The following UBE2E2 variants were observed in gnomAD, a reference collection of about 807,000 sequenced individuals.
UBE2E2 encodes ubiquitin conjugating enzyme E2 E2, also known as ubiquitin-conjugating enzyme E2 E2.
In UBE2E2, 6 loss-of-function variants were observed where a neutral mutation model predicts 24.7. The observed-to-expected ratio is 0.24, with a 90% CI of 0.13 to 0.48. UBE2E2 has a LOEUF of 0.48. Among genes scored for constraint, UBE2E2 ranks in the 20% least tolerant of loss-of-function variants. The pLI is 0.99. For synonymous variants in UBE2E2, 104 were observed against 83.6 expected, an observed-to-expected ratio of 1.24 and a Z score of -1.33; for missense variants, 169 against 245.0, an observed-to-expected ratio of 0.69 and a Z score of 2.07.
chr3:23,504,356 T>C (rs540760177), intron 4 of UBE2E2, among the ~76,000 whole-genome samples: 1 of 152,366 alleles, frequency 6.6e-6, no homozygotes, highest in East Asian at 1.9e-4. Flanking sequence ...ACAATTAGGT[T>C]CTTCTCATTG....
At chr3:23,473,821 T>A (rs1041678859) in intron 3 of UBE2E2, among the ~76,000 whole-genome samples, 2 of 152,140 alleles carry the variant, frequency 1.3e-5, no homozygotes, top group African/African-American at 4.8e-5. Context: ...ACATTTGGGT[T>A]GGTTCCACAT....
At chr3:23,544,786 G>A (rs1695479330) in intron 5 of UBE2E2, among the ~76,000 whole-genome samples, 1 of 152,168 alleles carries the variant, frequency 6.6e-6, no homozygotes, top group African/African-American at 2.4e-5. Context: ...CAGGGAACCA[G>A]CGTTCAGCAT....
At chr3:23,466,918 G>T (rs1002433126) in intron 3 of UBE2E2, among the ~76,000 whole-genome samples, 1 of 152,062 alleles carries the variant, frequency 6.6e-6, no homozygotes, top group Admixed American at 6.6e-5. Context: ...TTCATTATTT[G>T]CCAGCTCCTT....
At chr3:23,556,393 G>C (rs1260862769) in intron 5 of UBE2E2, among the ~76,000 whole-genome samples, 1 of 131,414 alleles carries the variant, frequency 7.6e-6, no homozygotes, top group Non-Finnish European at 1.5e-5. Context: ...CACCCGCCTC[G>C]ACCTCCCAAA....
chr3:23,469,458 T>C (rs1005776992), intron 3 of UBE2E2, among the ~76,000 whole-genome samples: 1 of 152,186 alleles, frequency 6.6e-6, no homozygotes, highest in African/African-American at 2.4e-5. Context: ...TAGTAAAATA[T>C]GTATTATTCA....
At chr3:23,226,557 G>C (rs1304340804) in intron 3 of UBE2E2, among the ~76,000 whole-genome samples, 1 of 152,216 alleles carries the variant, frequency 6.6e-6, no homozygotes, top group African/African-American at 2.4e-5. Context: ...CATCTTTAAG[G>C]AGGGATGTGA....
At chr3:23,565,904 A>C (rs1250442891) in intron 5 of UBE2E2, among the ~76,000 whole-genome samples, 1 of 152,138 alleles carries the variant, frequency 6.6e-6, no homozygotes, top group East Asian at 1.9e-4. Flanking sequence ...TCTTTCTGAG[A>C]TTGGTCTCCC....
At chr3:23,266,931 G>C (rs555965615) in intron 3 of UBE2E2, among the ~76,000 whole-genome samples, 1 of 152,262 alleles carries the variant, frequency 6.6e-6, no homozygotes, top group African/African-American at 2.4e-5. Context: ...CATGGAAACT[G>C]AACAACCTGC....
At chr3:23,445,215 G>A (rs1171772511) in intron 3 of UBE2E2, among the ~76,000 whole-genome samples, 3 of 152,208 alleles carry the variant, frequency 2.0e-5, no homozygotes, top group African/African-American at 7.2e-5. Context: ...CTGGCTGACA[G>A]CCATAGAATA....
intron 3 of UBE2E2, among the ~76,000 whole-genome samples, chr3:23,470,219 C>G (rs1559393689): frequency 6.6e-6 from 1 of 152,198 alleles, no homozygotes; most frequent in Non-Finnish European, 1.5e-5. Context: ...CCTTTTCCCA[C>G]TCTGTTGGCC....
At chr3:23,223,024 C>T (rs1235242548) in intron 3 of UBE2E2, among the ~76,000 whole-genome samples, 17 of 101,766 alleles carry the variant, frequency 1.7e-4, no homozygotes, top group African/African-American at 4.4e-4. Flanking sequence ...GCCCCCCCCC[C>T]CTTTTTTTTT....
chr3:23,301,575 C>T (rs1575545274), intron 3 of UBE2E2, among the ~76,000 whole-genome samples: 1 of 152,318 alleles, frequency 6.6e-6, no homozygotes, highest in East Asian at 1.9e-4. Context: ...TGGGTCTCAG[C>T]AGCAGTGGCT....
chr3:23,317,183 A>G (rs544941160), intron 3 of UBE2E2, among the ~76,000 whole-genome samples: 11 of 152,124 alleles, frequency 7.2e-5, no homozygotes, highest in Non-Finnish European at 1.5e-4. Context: ...GGACTTGCCT[A>G]GGAATTGTTG....
intron 3 of UBE2E2, among the ~76,000 whole-genome samples, chr3:23,387,324 G>T (rs1696826534): frequency 6.6e-6 from 1 of 152,118 alleles, no homozygotes; most frequent in Admixed American, 6.5e-5. Flanking sequence ...CTTTTCAAAA[G>T]GTGAATTGGA....
intron 5 of UBE2E2, among the ~76,000 whole-genome samples, chr3:23,578,965 A>T (rs967470518): frequency 1.3e-5 from 2 of 152,194 alleles, no homozygotes; most frequent in Non-Finnish European, 2.9e-5. Context: ...CTACTGGTTG[A>T]TAATACACCT....
At chr3:23,387,127 A>AT (rs763637255) in intron 3 of UBE2E2, among the ~76,000 whole-genome samples, 32 of 152,350 alleles carry the variant, frequency 2.1e-4, no homozygotes, top group Non-Finnish European at 3.5e-4. Flanking sequence ...TAAGACGCAC[A>AT]TATGCAGATG....
chr3:23,271,233 T>C (rs1383770332), intron 3 of UBE2E2: 1 of 363,940 alleles, frequency 2.7e-6, no homozygotes, highest in East Asian at 7.2e-5. Flanking sequence ...CGGTGAGTGT[T>C]ACAGTTCTTA....
chr3:23,298,994 A>G (rs964778334), intron 3 of UBE2E2, among the ~76,000 whole-genome samples: 3 of 152,202 alleles, frequency 2.0e-5, no homozygotes, highest in Admixed American at 1.3e-4. Context: ...CAGAGATTCA[A>G]CTTCTTCCTG....
At chr3:23,224,179 TTA>T (rs1156611473) in intron 3 of UBE2E2, among the ~76,000 whole-genome samples, 25 of 150,122 alleles carry the variant, frequency 1.7e-4, no homozygotes, top group Non-Finnish European at 3.1e-4. Flanking sequence ...TTTTTTTTTT[TTA>T]CTATTTCTGT....
Sources: gnomAD v4.1 joint callset for allele counts (sites outside exome capture counted in the v4.1 genomes callset) on GRCh38, gnomAD v4.1.1 for gene constraint, MANE v1.5 for transcripts, NCBI Gene and HGNC (gene_info 2026-07-23, HGNC 2026-07-21) for gene names.